Variants in PTPRT observed in about 807,000 individuals in gnomAD.
The protein encoded by PTPRT is receptor-type tyrosine-protein phosphatase T.
PTPRT carries 56 observed loss-of-function variants against 176.8 expected under a neutral mutation model. The ratio of observed to expected loss-of-function variants is 0.32; its 90% CI spans 0.26 to 0.40. The LOEUF (loss-of-function observed/expected upper bound fraction) is 0.40. PTPRT is among the 10% of genes least tolerant of loss of function. The pLI is 1.00. For synonymous variants in PTPRT, 783 were observed against 739.0 expected (o/e 1.06, Z -0.96); for missense variants, 1,540 against 1,908.2 (o/e 0.81, Z 3.60).
At chr20:42,566,807 C>T (rs1028027837) in intron 7 of PTPRT, among the ~76,000 whole-genome samples, 3 of 152,208 alleles carry the variant, frequency 2.0e-5, no homozygotes, top group Admixed American at 2.0e-4. Context: ...AAAAACACAA[C>T]TGATTAAACC....
chr20:42,236,262 T>A lies in PTPRT; in HGVS notation c.2313-4A>T. 6.3e-7 allele frequency: 1 copy of A among 1,596,376 alleles called. No homozygotes were observed. The highest frequency in any genetic ancestry group is 2.2e-5 in the East Asian group (1 of 44,668). On this transcript the variant is annotated splice_polypyrimidine_tract_variant and splice_region_variant and intron_variant, in intron 14 of 30. Coordinates refer to ENST00000373187, the MANE Select transcript of PTPRT (RefSeq NM_007050.6). ...GGAGTAGGAATAAGCATTTCTTCTA[T>A]ATATTGATGGGCAGTCAGATGAAGG...
intron 2 of PTPRT, among the ~76,000 whole-genome samples, chr20:42,848,275 T>C (rs1235539099): frequency 6.6e-6 from 1 of 152,228 alleles, no homozygotes; most frequent in Non-Finnish European, 1.5e-5. Flanking sequence ...GAATTACAAA[T>C]TGTGCTGCAT....
At chr20:42,869,195 A>G (rs1434304579) in intron 2 of PTPRT, among the ~76,000 whole-genome samples, 2 of 152,108 alleles carry the variant, frequency 1.3e-5, no homozygotes, top group Non-Finnish European at 1.5e-5. Flanking sequence ...CACTGCAGAG[A>G]ACCCCTATTA....
At chr20:42,689,568 T>A (rs981359581) in intron 6 of PTPRT, among the ~76,000 whole-genome samples, 1 of 152,318 alleles carries the variant, frequency 6.6e-6, no homozygotes. Context: ...CATTTCAGTA[T>A]CATACACAGA....
the PTPRT span, among the ~76,000 whole-genome samples, chr20:42,055,324 C>T: frequency 1.3e-5 from 2 of 152,198 alleles, no homozygotes; most frequent in African/African-American, 4.8e-5. Context: ...CACCTCTTTC[C>T]ATTCTTGTTT....
At chr20:42,623,432 A>T (rs553739274) in intron 7 of PTPRT, among the ~76,000 whole-genome samples, 1 of 152,208 alleles carries the variant, frequency 6.6e-6, no homozygotes, top group Non-Finnish European at 1.5e-5. Context: ...GTCACATGTC[A>T]TGTGGGGGAA....
chr20:42,742,831 G>A (rs2076631923), intron 6 of PTPRT, among the ~76,000 whole-genome samples: 1 of 152,146 alleles, frequency 6.6e-6, no homozygotes, highest in Non-Finnish European at 1.5e-5. Context: ...TACAGATGGA[G>A]AAACTGAGGC....
At chr20:43,148,532 A>G (rs1384637042) in intron 1 of PTPRT, among the ~76,000 whole-genome samples, 1 of 152,226 alleles carries the variant, frequency 6.6e-6, no homozygotes, top group Non-Finnish European at 1.5e-5. Context: ...TGAATACCTG[A>G]TGAATGAATG....
chr20:42,347,346 C>T (rs528537844), intron 11 of PTPRT, among the ~76,000 whole-genome samples: 1 of 152,282 alleles, frequency 6.6e-6, no homozygotes, highest in African/African-American at 2.4e-5. Flanking sequence ...TTTTCTCCAT[C>T]CTTCACCTCC....
intron 2 of PTPRT, among the ~76,000 whole-genome samples, chr20:42,855,619 A>T (rs2078549733): frequency 6.6e-6 from 1 of 151,652 alleles, no homozygotes; most frequent in African/African-American, 2.4e-5. Context: ...TTTAGTAGAG[A>T]CATGGTTTCG....
chr20:42,706,159 A>ATCTCTC (rs113720952), intron 6 of PTPRT, among the ~76,000 whole-genome samples: 4 of 141,762 alleles, frequency 2.8e-5, no homozygotes, highest in Admixed American at 7.0e-5. Context: ...GTCTCTCTTT[A>ATCTCTC]TCTCTCTCTC....
intron 8 of PTPRT, among the ~76,000 whole-genome samples, chr20:42,460,656 T>C (rs1418530991): frequency 6.6e-6 from 1 of 152,180 alleles, no homozygotes; most frequent in Non-Finnish European, 1.5e-5. Context: ...ATTTTCATGA[T>C]AGTGAGTGAG....
At chr20:42,837,239 T>C (rs965921885) in intron 2 of PTPRT, among the ~76,000 whole-genome samples, 1 of 152,176 alleles carries the variant, frequency 6.6e-6, no homozygotes. Context: ...CGGAGGACCC[T>C]TGGATCCCCA....
chr20:42,179,076 G>T (rs1355845936), intron 16 of PTPRT, among the ~76,000 whole-genome samples: 1 of 152,188 alleles, frequency 6.6e-6, no homozygotes, highest in Admixed American at 6.5e-5. Flanking sequence ...ATAGGAGGCA[G>T]GGATCATTGG....
chr20:42,468,509 TA>T lies in PTPRT; in HGVS notation c.1450+3756del, dbSNP rs199961409. Among the ~76,000 whole-genome samples, 1,223 of 152,368 alleles carry T rather than the reference TA, an allele frequency of 8.0e-3. 11 individuals are homozygous for T. Among genetic ancestry groups the T allele is most frequent in the Middle Eastern group, 0.014 (4 of 294 alleles). On this transcript the variant is annotated intron_variant, in intron 8 of 30. Coordinates refer to ENST00000373187, the MANE Select transcript of PTPRT (RefSeq NM_007050.6). ...ATGTCTCGTATGTTGGTGTTTTTAG[TA>T]ATGATAATGTCCACACATCTCCATA...
At chr20:42,405,008 A>ATATATATAT (rs1260622970) in intron 9 of PTPRT, among the ~76,000 whole-genome samples, 1 of 146,566 alleles carries the variant, frequency 6.8e-6, no homozygotes, top group Non-Finnish European at 1.5e-5. Context: ...ACAAATATAT[A>ATATATATAT]ACATATCATA....
In PTPRT at chr20:42,280,926, A is replaced by C. The variant is rs182741231; in HGVS notation, c.2176+1563T>G. ...CCCTCTAATAGAGCTTACATCCCAG[A>C]GGGTGTCCTTAGAATCCCACCTACC... On this transcript the variant is annotated intron_variant, in intron 13 of 30. Coordinates refer to ENST00000373187, the MANE Select transcript of PTPRT (RefSeq NM_007050.6). 1.4e-4 allele frequency among the ~76,000 whole-genome samples: 22 copies of C among 152,248 alleles called. No individual in the cohort carries two copies. In the East Asian group the frequency reaches 3.9e-3, roughly 27 times the overall value.
In PTPRT at chr20:42,279,913, A is replaced by T. The variant is rs566338641; in HGVS notation, c.2176+2576T>A. 7.2e-5 allele frequency among the ~76,000 whole-genome samples: 11 copies of T among 152,250 alleles called. No individual in the cohort carries two copies. In the South Asian group the frequency reaches 2.3e-3, roughly 32 times the overall value. ...CCAGAGTACTGGCCTTGAGTCTGAC[A>T]TATGGACTTCAGGGTCTGGATGCCC... On this transcript the variant is annotated intron_variant, in intron 13 of 30. Coordinates refer to ENST00000373187, the MANE Select transcript of PTPRT (RefSeq NM_007050.6).
chr20:42,811,110 A>G (rs1429266840), intron 2 of PTPRT, among the ~76,000 whole-genome samples: 1 of 152,238 alleles, frequency 6.6e-6, no homozygotes, highest in Non-Finnish European at 1.5e-5. Flanking sequence ...ATTTTTAAAG[A>G]AGAAAGATTA....
Sources: gnomAD v4.1 joint callset for allele counts (sites outside exome capture counted in the v4.1 genomes callset) on GRCh38, gnomAD v4.1.1 for gene constraint, MANE v1.5 for transcripts, NCBI Gene and HGNC (gene_info 2026-07-23, HGNC 2026-07-21) for gene names.